ZNF383: variants seen among roughly 807,000 people sequenced by gnomAD.
ZNF383 encodes zinc finger protein 383.
In ZNF383, 32 loss-of-function variants were observed where a neutral mutation model predicts 44.2. The observed-to-expected ratio is 0.72, with a 90% CI of 0.55 to 0.97. The LOEUF (loss-of-function observed/expected upper bound fraction) is 0.97, where lower values mean the gene tolerates loss of function less well. Among genes scored for constraint, ZNF383 ranks in the 50% least tolerant of loss-of-function variants. The probability of loss-of-function intolerance (pLI) is 0.00; values close to 1 mark genes in which losing one functional copy is unlikely to be tolerated. For synonymous variants in ZNF383, 155 were observed against 186.2 expected, an observed-to-expected ratio of 0.83 and a Z score of 1.36; for missense variants, 487 against 562.5, an observed-to-expected ratio of 0.87 and a Z score of 1.36.
intron 2 of ZNF383, among the ~76,000 whole-genome samples, chr19:37,225,475 T>C (rs1973114338): frequency 6.6e-6 from 1 of 152,156 alleles, no homozygotes; most frequent in Admixed American, 6.6e-5. Context: ...TCTTGCAAAC[T>C]GAATTATAAC....
At chr19:37,235,273 C>G (rs78738016) in intron 3 of ZNF383, among the ~76,000 whole-genome samples, 9 of 96,620 alleles carry the variant, frequency 9.3e-5, no homozygotes, top group Non-Finnish European at 2.2e-5. Flanking sequence ...ATTTCTGTCT[C>G]AAAAAAAAAA....
intron 3 of ZNF383, among the ~76,000 whole-genome samples, chr19:37,234,136 T>G (rs1408688813): frequency 6.6e-6 from 1 of 152,296 alleles, no homozygotes; most frequent in South Asian, 2.1e-4. Context: ...AGTGCTGGGA[T>G]TAGAGGCATC....
chr19:37,247,507 A>G lies in ZNF383; in HGVS notation c.*3843A>G, dbSNP rs1974410381. ...TATACACTTTAAAAGGGTGAATATT[A>G]TGCTGTGTGAATTTGATCTCAATTT... On this transcript the variant is annotated 3_prime_UTR_variant, in exon 6 of 6. Coordinates refer to ENST00000684119, the MANE Select transcript of ZNF383 (RefSeq NM_001387601.1). The G allele has an allele frequency of 6.6e-6, 1 of 152,144 alleles. No homozygotes were observed. Among genetic ancestry groups the G allele is most frequent in the Non-Finnish European group, 1.5e-5 (1 of 68,030 alleles). The allele number at this position is 152,144 out of a possible 1,614,324, so 9.4% of individuals were successfully genotyped here. A position where few individuals can be genotyped will look rare whatever the true frequency, so the allele number is the denominator to read the frequency against.
At chr19:37,229,356 T>C (rs1973342467) in intron 2 of ZNF383, among the ~76,000 whole-genome samples, 1 of 149,772 alleles carries the variant, frequency 6.7e-6, no homozygotes, top group Non-Finnish European at 1.5e-5. Context: ...AGACGGTTTC[T>C]CCATGTTGAT....
chr19:37,241,295 G>A (rs1974072953), intron 5 of ZNF383, among the ~76,000 whole-genome samples: 1 of 152,264 alleles, frequency 6.6e-6, no homozygotes, highest in African/African-American at 2.4e-5. Context: ...CTGCAGGTCA[G>A]CCAGCTAACA....
At chr19:37,232,232 G>A (rs1430057412) in intron 3 of ZNF383, among the ~76,000 whole-genome samples, 2 of 151,754 alleles carry the variant, frequency 1.3e-5, no homozygotes, top group African/African-American at 2.4e-5. Flanking sequence ...CTGCCACCAC[G>A]CCTGGCTAAT....
Position 37,238,330 on chromosome 19 carries a change from CATTT to C in ZNF383, c.232+2259_232+2262del, listed in dbSNP as rs1295123456. 2.0e-4 allele frequency among the ~76,000 whole-genome samples: 29 copies of C among 148,610 alleles called. No homozygotes were observed. In the East Asian group the frequency reaches 4.3e-3, roughly 22 times the overall value. On this transcript the variant is annotated intron_variant, in intron 5 of 5. Coordinates refer to ENST00000684119, the MANE Select transcript of ZNF383 (RefSeq NM_001387601.1). ...TATTTTTAGAATTATATATCACTTA[CATTT>C]ATCTACATGTAACTAATATATTGGT...
In ZNF383 at chr19:37,236,080, T is replaced by A; in HGVS notation, c.232+6T>A. 6.2e-7 allele frequency: 1 copy of A among 1,610,744 alleles called. No individual in the cohort carries two copies. Among genetic ancestry groups the A allele is most frequent in the Non-Finnish European group, 8.5e-7 (1 of 1,178,098 alleles). ...TACAAGAGGCCTGTGTTCAGGTAAGTGAGAAATGACCGGACAGGAGAAAGT... is the reference window on the plus strand; with the variant it reads ...TACAAGAGGCCTGTGTTCAGGTAAGAGAGAAATGACCGGACAGGAGAAAGT... On this transcript the variant is annotated splice_donor_region_variant and intron_variant, in intron 5 of 5. Transcript: ENST00000684119.
chr19:37,229,888 G>A (rs1973398545), intron 2 of ZNF383, among the ~76,000 whole-genome samples: 1 of 150,354 alleles, frequency 6.7e-6, no homozygotes, highest in South Asian at 2.1e-4. Flanking sequence ...GGTGTTGTGT[G>A]TGTGCATGTG....
intron 5 of ZNF383, among the ~76,000 whole-genome samples, chr19:37,236,954 AACACACACACACACACACACACACACAC>A (rs35036376): frequency 2.7e-5 from 4 of 146,758 alleles, no homozygotes; most frequent in African/African-American, 1.0e-4. Flanking sequence ...CACACATGTG[AACACACACACACACACACACACACACAC>A]ACACACACAC....
chr19:37,233,321 CAG>C (rs1163849397), intron 3 of ZNF383, among the ~76,000 whole-genome samples: 1 of 151,710 alleles, frequency 6.6e-6, no homozygotes, highest in Non-Finnish European at 1.5e-5. Flanking sequence ...TTAGTAGAGA[CAG>C]GGTTTCACTG....
chr19:37,220,250 A>T (rs1440340213), intron 1 of ZNF383, among the ~76,000 whole-genome samples: 1 of 151,512 alleles, frequency 6.6e-6, no homozygotes, highest in Non-Finnish European at 1.5e-5. Context: ...TTTTCTTGAG[A>T]CGGAGTCTCG....
Position 37,243,524 on chromosome 19 carries a change from G to A in ZNF383, c.1288G>A (p.Ala430Thr), listed in dbSNP as rs756122335. The A allele has an allele frequency of 1.9e-6, 3 of 1,614,054 alleles. No individual in the cohort carries two copies. The highest frequency in any genetic ancestry group is 2.5e-6 in the Non-Finnish European group (3 of 1,180,010). ...ATATGAATGTAATGAATGTGGAAAG[G>A]CCTTTAATAAATGCTCAAACCTTAC... ...KPYECNECGK[A>T]FNKCSNLTRH... Residue 430 changes from alanine (A) to threonine (T), a missense_variant, in exon 6 of 6, where the codon GCC (alanine) becomes ACC (threonine). Physicochemically the swap from Ala to Thr is moderately conservative, Grantham distance 58 (BLOSUM62 0). Transcript: ENST00000684119.
At chr19:37,235,360 C>A (rs989997118) in intron 3 of ZNF383, among the ~76,000 whole-genome samples, 189 bp from the exon 4 acceptor site, 2 of 151,706 alleles carry the variant, frequency 1.3e-5, no homozygotes, top group Admixed American at 6.6e-5. Context: ...TAGGCCGTTT[C>A]AATGGACAGA....
intron 1 of ZNF383, among the ~76,000 whole-genome samples, chr19:37,220,105 C>T (rs1972846025): frequency 6.6e-6 from 1 of 152,170 alleles, no homozygotes; most frequent in Non-Finnish European, 1.5e-5. Context: ...GATCTATTTC[C>T]TTCTAGTAAG....
chr19:37,233,874 A>T (rs1310831014), intron 3 of ZNF383, among the ~76,000 whole-genome samples: 4 of 150,414 alleles, frequency 2.7e-5, no homozygotes, highest in Non-Finnish European at 5.9e-5. Context: ...TTATTTATTT[A>T]TTTTTTCGAG....
rs555245898 is a variant in ZNF383, at chr19:37,222,624, C to T, written c.-167-2194C>T. On this transcript the variant is annotated intron_variant, in intron 1 of 5. Transcript: ENST00000684119. ...AACTCCTGACCTCAGGTGATCCGCC[C>T]GCCTCGGCCTCCCAAAGTGGTGGGA... Among the ~76,000 whole-genome samples, 4 of 152,252 alleles carry T rather than the reference C, an allele frequency of 2.6e-5. No homozygotes were observed. In the South Asian group the frequency reaches 6.2e-4, roughly 24 times the overall value.
At position 37,246,133 on chromosome 19, in the gene ZNF383, A is replaced by C. The variant is rs1183448860; in HGVS notation, c.*2469A>C. ...TAAAAAATTATGTCTAGGCATCTAT[A>C]ATAAGGCTGTATGTATTGGATTGCT... On this transcript the variant is annotated 3_prime_UTR_variant, in exon 6 of 6. Coordinates refer to ENST00000684119, the MANE Select transcript of ZNF383 (RefSeq NM_001387601.1). The C allele has an allele frequency of 6.6e-6, 1 of 152,152 alleles. No homozygotes were observed. Among genetic ancestry groups the C allele is most frequent in the Non-Finnish European group, 1.5e-5 (1 of 68,046 alleles). The allele number at this position is 152,152 out of a possible 1,614,324, so 9.4% of individuals were successfully genotyped here.
intron 3 of ZNF383, among the ~76,000 whole-genome samples, chr19:37,234,580 C>T (rs1297633803): frequency 2.6e-5 from 4 of 151,860 alleles, no homozygotes; most frequent in Non-Finnish European, 4.4e-5. Flanking sequence ...TTAGTAGAGA[C>T]AGGGTTTCAC....
Sources: gnomAD v4.1 joint callset for allele counts (sites outside exome capture counted in the v4.1 genomes callset) on GRCh38, gnomAD v4.1.1 for gene constraint, MANE v1.5 for transcripts, NCBI Gene and HGNC (gene_info 2026-07-23, HGNC 2026-07-21) for gene names.